Variants in IQSEC3 observed in about 807,000 individuals in gnomAD.
IQSEC3 encodes IQ motif and Sec7 domain ArfGEF 3, also known as IQ motif and SEC7 domain-containing protein 3.
IQSEC3 carries 50 observed loss-of-function variants against 105.4 expected under a neutral mutation model. The observed-to-expected ratio is 0.47, with a 90% CI of 0.38 to 0.60. The LOEUF is 0.60. Among genes scored for constraint, IQSEC3 ranks in the 20% least tolerant of loss-of-function variants. The pLI, the probability that IQSEC3 is intolerant of heterozygous loss-of-function variation, is 0.00. For synonymous variants in IQSEC3, 708 were observed against 746.0 expected (o/e 0.95, Z 0.83); for missense variants, 1,415 against 1,630.0 (o/e 0.87, Z 2.27).
intron 5 of IQSEC3, among the ~76,000 whole-genome samples, chr12:153,928 A>G (rs782754311): frequency 6.6e-6 from 1 of 152,060 alleles, no homozygotes; most frequent in Admixed American, 6.5e-5. Context: ...CTTGCCCCCA[A>G]ATATTCTAAT....
Position 138,181 on chromosome 12 carries a change from G to A in IQSEC3, c.904-86G>A. 7.9e-7 allele frequency: 1 copy of A among 1,260,238 alleles called. No homozygotes were observed. The highest frequency in any genetic ancestry group is 1.5e-5 in the African/African-American group (1 of 66,712). The allele number at this position is 1,260,238 out of a possible 1,614,324, so 78.1% of individuals were successfully genotyped here. A position where few individuals can be genotyped will look rare whatever the true frequency, so the allele number is the denominator to read the frequency against. On this transcript the variant is annotated intron_variant, in intron 3 of 13. Transcript: ENST00000538872. This position sits in a 1 kb window ranked among gnomAD's most constrained non-coding sequence, Gnocchi z 7.1. ...GTCCATTCCTGGGCCCCACCCGAGTGTGGCCGGGTGACTCCACCACTCCTC... is the reference window on the plus strand; with the variant it reads ...GTCCATTCCTGGGCCCCACCCGAGTATGGCCGGGTGACTCCACCACTCCTC...
At chr12:163,715 G>T in intron 9 of IQSEC3, 96 bp downstream of exon 9, 1 of 782,900 alleles carries the variant, frequency 1.3e-6, no homozygotes, top group Admixed American at 2.1e-5. Flanking sequence ...AGGAAAGGAC[G>T]CCCAGAGCTT....
rs150281879 is a variant in IQSEC3 at position 138,767 on chromosome 12, G to A, written c.1404G>A (p.Ala468=). The A allele has an allele frequency of 1.9e-4, 304 of 1,580,322 alleles. No homozygotes were observed. Among genetic ancestry groups the A allele is most frequent in the Non-Finnish European group, 1.4e-4 (165 of 1,167,658 alleles). ...SAGPGPGDDA[A]ETPGLPPAHS... Reference sequence around the variant, plus strand: ...GCCCCGGGCCCGGGGATGACGCCGCGGAGACCCCCGGCCTGCCCCCGGCCC... The same window carrying A: ...GCCCCGGGCCCGGGGATGACGCCGCAGAGACCCCCGGCCTGCCCCCGGCCC... The change falls in exon 4 of 14, where the codon GCG becomes GCA. Residue 468 remains alanine (A), a synonymous_variant. Coordinates refer to ENST00000538872, the MANE Select transcript of IQSEC3 (RefSeq NM_001170738.2). The surrounding 1 kb of genome is among the most constrained non-coding windows in gnomAD (Gnocchi z 7.1).
intron 13 of IQSEC3, among the ~76,000 whole-genome samples, chr12:173,592 C>T (rs1227058558): frequency 6.6e-6 from 1 of 152,190 alleles, no homozygotes; most frequent in East Asian, 1.9e-4. Context: ...GGTGGTGCTG[C>T]CCGAGGACAG....
chr12:103,676 A>G (rs375902259), intron 2 of IQSEC3, among the ~76,000 whole-genome samples: 28 of 10,502 alleles, frequency 2.7e-3, no homozygotes, highest in African/African-American at 3.2e-3. Flanking sequence ...GTGGGGAGGC[A>G]GGGCTCAGGG....
chr12:109,054 C>T (rs1156552634), intron 2 of IQSEC3, among the ~76,000 whole-genome samples: 2 of 152,246 alleles, frequency 1.3e-5, no homozygotes, highest in Non-Finnish European at 2.9e-5. Flanking sequence ...CACCCCACCT[C>T]AAAGCATCCT....
At chr12:172,579 T>C (rs945332222) in intron 13 of IQSEC3, among the ~76,000 whole-genome samples, 2 of 152,168 alleles carry the variant, frequency 1.3e-5, no homozygotes, top group Non-Finnish European at 2.9e-5. Flanking sequence ...GAGGGCAGCC[T>C]CGCCTCCCAC....
chr12:76,312 G>A (rs566577327), intron 1 of IQSEC3, among the ~76,000 whole-genome samples: 1 of 152,270 alleles, frequency 6.6e-6, no homozygotes, highest in Non-Finnish European at 1.5e-5. Context: ...TGTGTTCAGG[G>A]AAGTGTCAAT....
chr12:153,020 A>G (rs1555093081), intron 5 of IQSEC3, among the ~76,000 whole-genome samples: 2 of 152,112 alleles, frequency 1.3e-5, no homozygotes, highest in African/African-American at 4.8e-5. Flanking sequence ...AGAAGGCTGG[A>G]AAGTGGGAAT....
At chr12:83,195 G>A (rs1360069845) in intron 1 of IQSEC3, among the ~76,000 whole-genome samples, 1 of 152,108 alleles carries the variant, frequency 6.6e-6, no homozygotes, top group Non-Finnish European at 1.5e-5. Context: ...TTTAGGGATG[G>A]GAAATTCTGT....
intron 12 of IQSEC3, among the ~76,000 whole-genome samples, chr12:170,764 G>C (rs1480193089): frequency 6.6e-6 from 1 of 152,256 alleles, no homozygotes; most frequent in Admixed American, 6.5e-5. Flanking sequence ...CGCTCAAGGA[G>C]CCTGTGATCC....
In IQSEC3 at chr12:97,161, C is replaced by G. The variant is rs151195788; in HGVS notation, c.555-1985C>G. Among the ~76,000 whole-genome samples, 31 of 152,350 alleles carry G rather than the reference C, an allele frequency of 2.0e-4. 1 individual carries two copies. The East Asian group carries it at 6.0e-3, about 29-fold the overall frequency. ...TTGTTGGCTCTTTAGGGTTCTCGTT[C>G]TGTCAACTGCTATTCCTATGCTTTG... On this transcript the variant is annotated intron_variant, in intron 1 of 13. Coordinates refer to ENST00000538872, the MANE Select transcript of IQSEC3 (RefSeq NM_001170738.2).
chr12:163,469 C>G lies in IQSEC3; in HGVS notation c.2584-25C>G, dbSNP rs782649583. ...AGGCCTCCAGGCCTCTGGTCTCTCC[C>G]GCTGAGCGCCCTGCCCGCGTGCAGG... On this transcript the variant is annotated intron_variant, in intron 8 of 13. Transcript: ENST00000538872. 3 of 1,585,624 alleles carry G rather than the reference C, an allele frequency of 1.9e-6. No homozygotes were observed. In the African/African-American group the frequency reaches 4.0e-5, roughly 21 times the overall value.
At chr12:105,538 G>A (rs527891076) in intron 2 of IQSEC3, among the ~76,000 whole-genome samples, 22 of 152,314 alleles carry the variant, frequency 1.4e-4, no homozygotes, top group Admixed American at 1.3e-3. Context: ...GAAGATGGCC[G>A]AATTCCGACG....
chr12:157,248 C>T, intron 6 of IQSEC3, 101 bp downstream of exon 6: 1 of 1,414,840 alleles, frequency 7.1e-7, no homozygotes, highest in East Asian at 2.6e-5. Flanking sequence ...GAGGGTTGGA[C>T]ATTGGGCCAG....
At position 157,028 on chromosome 12, in the gene IQSEC3, C is replaced by T. The variant is rs782243162; in HGVS notation, c.2157C>T (p.Cys719=). The T allele has an allele frequency of 2.6e-5, 42 of 1,598,628 alleles. No individual in the cohort carries two copies. Among genetic ancestry groups the T allele is most frequent in the African/African-American group, 1.6e-4 (12 of 74,458 alleles). Residue 719 remains cysteine (C), a synonymous_variant, in exon 6 of 14, where the codon TGC becomes TGT. Transcript: ENST00000538872. The stretch of plus-strand genomic sequence containing the variant: ...CACCCTCCCTGCCTGCCCTCAGCTG[C>T]GTGGTGGACGAGATGGACTTCTCCA... ...KKQFNRDVLD[C]VVDEMDFSSM...
chr12:171,781 C>T (rs1289636000), intron 13 of IQSEC3, among the ~76,000 whole-genome samples: 5 of 152,168 alleles, frequency 3.3e-5, no homozygotes, highest in African/African-American at 1.2e-4. Flanking sequence ...GAAAATGAGA[C>T]AGAGTAGGGT....
In IQSEC3 at chr12:138,469, C is replaced by T. The variant is rs370321433; in HGVS notation, c.1106C>T (p.Ala369Val). ...GCCGAGAGCCTGGCGGCCGAGAAAG[C>T]GCTCATGGAGGGCTACGGCCTCGTG... ...PTAESLAAEK[A>V]LMEGYGLVGL... The change falls in exon 4 of 14, where the codon GCG (alanine) becomes GTG (valine). Residue 369 changes from alanine (A) to valine (V), a missense_variant. Ala to Val is a moderately conservative substitution (Grantham distance 64). Around this residue, in one of 6 missense-constraint regions of IQSEC3, gnomAD observed 720 missense variants for 633.0 expected, o/e 1.14. Transcript: ENST00000538872. The surrounding 1 kb of genome is among the most constrained non-coding windows in gnomAD (Gnocchi z 7.1). The T allele has an allele frequency of 4.4e-6, 7 of 1,600,606 alleles. No homozygotes were observed. Among genetic ancestry groups the T allele is most frequent in the East Asian group, 2.2e-5 (1 of 44,706 alleles).
Position 178,207 on chromosome 12 carries a change from T to C in IQSEC3, c.*3174T>C, listed in dbSNP as rs1286279631. Reference sequence around the variant, plus strand: ...CCCCACGGCCCGCCAGGAGTCTCTTTGTACCCACTAGGCTTCCCTGATGAC... The same window carrying C: ...CCCCACGGCCCGCCAGGAGTCTCTTCGTACCCACTAGGCTTCCCTGATGAC... On this transcript the variant is annotated 3_prime_UTR_variant, in exon 14 of 14. Coordinates refer to ENST00000538872, the MANE Select transcript of IQSEC3 (RefSeq NM_001170738.2). The C allele has an allele frequency of 2.0e-5, 3 of 152,198 alleles. No individual in the cohort carries two copies. The highest frequency in any genetic ancestry group is 7.3e-5 in the African/African-American group (3 of 41,368). The allele number at this position is 152,198 out of a possible 1,614,324, so 9.4% of individuals were successfully genotyped here.
Sources: allele counts gnomAD v4.1 joint callset (sites outside exome capture counted in the v4.1 genomes callset), GRCh38; gene constraint gnomAD v4.1.1; regional missense constraint gnomAD v4.1.1; non-coding constraint Gnocchi (gnomAD v3.1); transcripts MANE v1.5; gene names NCBI Gene and HGNC (gene_info 2026-07-23, HGNC 2026-07-21).